The following PCLO variants were observed in gnomAD, a reference collection of about 807,000 sequenced individuals.
PCLO encodes the protein piccolo presynaptic cytomatrix protein, also known as protein piccolo.
A neutral mutation model predicts 427.5 loss-of-function variants in PCLO; 82 were observed. The observed-to-expected ratio is 0.19, with a 90% CI of 0.16 to 0.23. PCLO has a LOEUF of 0.23. Ranked by LOEUF, PCLO falls within the 10% of genes least tolerant of loss-of-function variation. The pLI is 1.00. For synonymous variants in PCLO, 2,357 were observed against 2,155.4 expected (o/e 1.09, Z -2.59); for missense variants, 6,239 against 6,115.9 (o/e 1.02, Z -0.67).
At position 82,828,151 on chromosome 7, in the gene PCLO, T is replaced by A. The variant is rs898897514; in HGVS notation, c.14250-185A>T. Among the ~76,000 whole-genome samples the A allele has an allele frequency of 6.0e-5, 9 of 150,266 alleles. No individual in the cohort carries two copies. The South Asian group carries it at 1.5e-3, about 25-fold the overall frequency. ...TGCACAGTGACAATTTAAAAATATG[T>A]TGGATGCTTGTAGTTTTCTTTGCCC... is the stretch of plus-strand genomic sequence containing the variant. On this transcript the variant is annotated intron_variant, in intron 16 of 24. Coordinates refer to ENST00000333891, the MANE Select transcript of PCLO (RefSeq NM_033026.6).
chr7:83,069,608 T>G (rs1789754750), intron 3 of PCLO, among the ~76,000 whole-genome samples: 1 of 152,300 alleles, frequency 6.6e-6, no homozygotes, highest in African/African-American at 2.4e-5. Flanking sequence ...TATTAACATT[T>G]ATTTTACAGG....
At chr7:83,032,352 G>A (rs191574878) in intron 3 of PCLO, among the ~76,000 whole-genome samples, 73 of 151,568 alleles carry the variant, frequency 4.8e-4, no homozygotes, top group African/African-American at 1.7e-3. Context: ...TCTTCATCAT[G>A]GATACATTTT....
At chr7:82,848,630 T>C (rs1792569344) in intron 10 of PCLO, among the ~76,000 whole-genome samples, 1 of 152,080 alleles carries the variant, frequency 6.6e-6, no homozygotes, top group Admixed American at 6.6e-5. Flanking sequence ...AGGTTTTTAA[T>C]GAGCTTCACA....
In PCLO at chr7:83,134,665, G is replaced by T; in HGVS notation, c.2885C>A (p.Ala962Asp). ...PGPHSQSGPGAPMKQAPAPSQ... is the reference protein window; with the variant it reads ...PGPHSQSGPGDPMKQAPAPSQ... ...AGGGGCAGGGGCTTGTTTCATTGGGGCCCCTGGTCCACTTTGTGAATGAGG... is the reference window on the plus strand; with the variant it reads ...AGGGGCAGGGGCTTGTTTCATTGGGTCCCCTGGTCCACTTTGTGAATGAGG... The change falls in exon 3 of 25, where the codon GCC becomes GAC. Residue 962 changes from alanine (A) to aspartate (D), a missense_variant. By Grantham distance (126) the Ala-to-Asp change is moderately radical. Transcript: ENST00000333891. 1 of 1,613,724 alleles carries T rather than the reference G, an allele frequency of 6.2e-7. No individual in the cohort carries two copies. The highest frequency in any genetic ancestry group is 8.5e-7 in the Non-Finnish European group (1 of 1,179,780).
chr7:82,777,975 A>G (rs368133190), intron 22 of PCLO, among the ~76,000 whole-genome samples: 185 of 152,314 alleles, frequency 1.2e-3, no homozygotes, highest in African/African-American at 4.1e-3. Flanking sequence ...GAAACAGACA[A>G]ACTACAGAAT....
chr7:83,092,474 T>G (rs1790402498), intron 3 of PCLO, among the ~76,000 whole-genome samples: 1 of 152,132 alleles, frequency 6.6e-6, no homozygotes, highest in Admixed American at 6.5e-5. Flanking sequence ...ACTTTTCTAC[T>G]TAGCTGGGGG....
intron 22 of PCLO, among the ~76,000 whole-genome samples, chr7:82,763,145 T>C (rs1562774618): frequency 6.6e-6 from 1 of 152,100 alleles, no homozygotes. Flanking sequence ...TTTTAAACAG[T>C]TGAACTGATT....
intron 4 of PCLO, among the ~76,000 whole-genome samples, chr7:82,958,758 C>A (rs1228408430): frequency 6.6e-6 from 1 of 152,156 alleles, no homozygotes; most frequent in Non-Finnish European, 1.5e-5. Flanking sequence ...CAGCTCCTTT[C>A]TCATACTGAA....
At chr7:82,801,636 T>G in intron 21 of PCLO, 45 bp from the exon 22 acceptor site, 1 of 1,190,228 alleles carries the variant, frequency 8.4e-7, no homozygotes, top group Non-Finnish European at 1.2e-6. Flanking sequence ...TATGATCTCA[T>G]GAATGCAAAA....
chr7:82,791,420 C>T (rs1791098755), intron 22 of PCLO, among the ~76,000 whole-genome samples: 1 of 152,148 alleles, frequency 6.6e-6, no homozygotes, highest in African/African-American at 2.4e-5. Flanking sequence ...GATAAGTGAG[C>T]ATCCACTTTG....
chr7:82,989,406 A>G (rs1459470020), intron 3 of PCLO, among the ~76,000 whole-genome samples: 1 of 152,108 alleles, frequency 6.6e-6, no homozygotes, highest in Non-Finnish European at 1.5e-5. Context: ...TCTATTTTAA[A>G]ATAGAGAACT....
At chr7:82,824,490 T>G (rs1187884820) in intron 18 of PCLO, 74 bp from the exon 19 acceptor site, 1 of 948,166 alleles carries the variant, frequency 1.1e-6, no homozygotes, top group East Asian at 2.5e-5. Flanking sequence ...TTCTATGTTC[T>G]AAAATTTATT....
rs369881128 is a variant in PCLO, at chr7:83,116,754, TTG to T, written c.3300+17494_3300+17495del. Among the ~76,000 whole-genome samples, 17 of 152,308 alleles carry T rather than the reference TTG, an allele frequency of 1.1e-4. No individual in the cohort carries two copies. In the East Asian group the frequency reaches 3.3e-3, roughly 29 times the overall value. On this transcript the variant is annotated intron_variant, in intron 3 of 24. Coordinates refer to ENST00000333891, the MANE Select transcript of PCLO (RefSeq NM_033026.6). The stretch of plus-strand genomic sequence containing the variant: ...GAGCTCATTCCTTCTAACTGAAATT[TTG>T]TATCCTTAACTAACATCTCCTCAAC...
chr7:82,976,644 G>A (rs1796024186), intron 3 of PCLO, among the ~76,000 whole-genome samples: 1 of 151,912 alleles, frequency 6.6e-6, no homozygotes, highest in Non-Finnish European at 1.5e-5. Flanking sequence ...CATTTTACTG[G>A]AATTTAAGAG....
chr7:83,100,627 AG>A (rs1258459612), intron 3 of PCLO, among the ~76,000 whole-genome samples: 1 of 152,110 alleles, frequency 6.6e-6, no homozygotes, highest in Admixed American at 6.6e-5. Context: ...TCACATAGAG[AG>A]GAACAACACA....
chr7:82,772,891 A>C (rs991223259), intron 22 of PCLO, among the ~76,000 whole-genome samples: 2 of 152,190 alleles, frequency 1.3e-5, no homozygotes, highest in Non-Finnish European at 2.9e-5. Context: ...TCACTATTAC[A>C]GAGGAAAAAC....
In PCLO at chr7:82,903,063, G is replaced by C. The variant is rs7793092; in HGVS notation, c.13438-322C>G. On this transcript the variant is annotated intron_variant, in intron 8 of 24. Coordinates refer to ENST00000333891, the MANE Select transcript of PCLO (RefSeq NM_033026.6). ...GTATGCAGTCAATATTGGTGACCTC[G>C]GATATAGAATGTATTTGGAAAATTG... Among the ~76,000 whole-genome samples the C allele has an allele frequency of 5.8e-3, 881 of 152,034 alleles. 12 individuals are homozygous for C. The highest frequency in any genetic ancestry group is 0.02 in the African/African-American group (832 of 41,506).
chr7:83,084,979 C>A (rs1260306247), intron 3 of PCLO, among the ~76,000 whole-genome samples: 1 of 152,070 alleles, frequency 6.6e-6, no homozygotes, highest in African/African-American at 2.4e-5. Flanking sequence ...ATTATAATTT[C>A]TTTATAATAT....
At chr7:82,858,422 T>G (rs938412635) in intron 10 of PCLO, among the ~76,000 whole-genome samples, 35 of 152,086 alleles carry the variant, frequency 2.3e-4, no homozygotes, top group African/African-American at 7.7e-4. Context: ...TCTCACTAAT[T>G]CCATCAACAT....
Sources: allele counts gnomAD v4.1 joint callset (sites outside exome capture counted in the v4.1 genomes callset), GRCh38; gene constraint gnomAD v4.1.1; transcripts MANE v1.5; gene names NCBI Gene and HGNC (gene_info 2026-07-23, HGNC 2026-07-21).